SLC18B1: variants seen among roughly 807,000 people sequenced by gnomAD.
SLC18B1 encodes MFS-type transporter SLC18B1.
A neutral mutation model predicts 53.9 loss-of-function variants in SLC18B1; 62 were observed. That is an observed-to-expected ratio of 1.15 (90% CI 0.94 to 1.42). SLC18B1 has a LOEUF of 1.42. Among genes scored for constraint, SLC18B1 ranks in the 40% most tolerant of loss-of-function variants. The pLI, the probability that SLC18B1 is intolerant of heterozygous loss-of-function variation, is 0.00. For missense variants in SLC18B1, 598 were observed against 547.3 expected (o/e 1.09, Z -0.93); for synonymous variants, 217 against 200.9 (o/e 1.08, Z -0.68).
At chr6:132,775,591 G>T (rs1258214755) in intron 8 of SLC18B1, among the ~76,000 whole-genome samples, 1 of 152,090 alleles carries the variant, frequency 6.6e-6, no homozygotes, top group Non-Finnish European at 1.5e-5. Flanking sequence ...CCCTAAAACC[G>T]CAGAAGTTTA....
Position 132,771,918 on chromosome 6 carries a change from C to G in SLC18B1, c.1160+214G>C, listed in dbSNP as rs539782560. Among the ~76,000 whole-genome samples, 84 of 152,104 alleles carry G rather than the reference C, an allele frequency of 5.5e-4. 1 individual carries two copies. In the South Asian group the frequency reaches 0.016, roughly 28 times the overall value. On this transcript the variant is annotated intron_variant, in intron 11 of 13. Coordinates refer to ENST00000275227, the MANE Select transcript of SLC18B1 (RefSeq NM_052831.3). Reference sequence around the variant, plus strand: ...ACCAGCCTGGCCAACACGGTGAAACCCTGTCTCTACTAAAAATACAAAAAT... The same window carrying G: ...ACCAGCCTGGCCAACACGGTGAAACGCTGTCTCTACTAAAAATACAAAAAT...
At chr6:132,770,547 C>T (rs1318338416) in intron 13 of SLC18B1, among the ~76,000 whole-genome samples, 2 of 152,108 alleles carry the variant, frequency 1.3e-5, no homozygotes, top group African/African-American at 2.4e-5. Context: ...ACCAGCCTGG[C>T]CAACATGGTG....
At chr6:132,773,363 C>A (rs536898075) in intron 9 of SLC18B1, among the ~76,000 whole-genome samples, 7 of 152,214 alleles carry the variant, frequency 4.6e-5, no homozygotes, top group Non-Finnish European at 1.0e-4. Context: ...CTGGAGCCAA[C>A]CTGGCTTCTT....
At chr6:132,783,213 A>G (rs1417249818) in intron 6 of SLC18B1, among the ~76,000 whole-genome samples, 2 of 151,034 alleles carry the variant, frequency 1.3e-5, no homozygotes, top group African/African-American at 4.9e-5. Flanking sequence ...GTCTCGCTCT[A>G]TCACCCAGGC....
rs548953790 is a variant in SLC18B1, at chr6:132,779,300, C to T, written c.763G>A (p.Asp255Asn). The T allele has an allele frequency of 3.1e-6, 5 of 1,613,810 alleles. No individual in the cohort carries two copies. The highest frequency in any genetic ancestry group is 2.2e-5 in the South Asian group (2 of 91,074). Reference sequence around the variant, plus strand: ...AAAACAAAGAGAGACAGAGTAGGATCGAGGAAGCCAAAACACGAGCTGAGT... The same window carrying T: ...AAAACAAAGAGAGACAGAGTAGGATTGAGGAAGCCAAAACACGAGCTGAGT... ...NSLSSCFGFL[D>N]PTLSLFVLEK... Residue 255 changes from aspartate (D) to asparagine (N), a missense_variant, in exon 7 of 14, where the codon GAT becomes AAT. Coordinates refer to ENST00000275227, the MANE Select transcript of SLC18B1 (RefSeq NM_052831.3).
chr6:132,782,464 C>A (rs894721175), intron 6 of SLC18B1, among the ~76,000 whole-genome samples: 2 of 152,012 alleles, frequency 1.3e-5, no homozygotes, highest in African/African-American at 4.8e-5. Context: ...TTGTTATTAA[C>A]TATAGTCACT....
rs1313354793 is a variant in SLC18B1 at position 132,792,253 on chromosome 6, A to AAGAGAGAGAGAGAGAGAG, written c.184-1982_184-1981insCTCTCTCTCTCTCTCTCT. Among the ~76,000 whole-genome samples the AAGAGAGAGAGAGAGAGAG allele has an allele frequency of 7.3e-4, 19 of 26,044 alleles. 2 individuals carry two copies. Among genetic ancestry groups the AAGAGAGAGAGAGAGAGAG allele is most frequent in the East Asian group, 7.2e-4 (1 of 1,388 alleles). The allele number at this position is 26,044 out of a possible 152,430, so 17.1% of individuals were successfully genotyped here. A position where few individuals can be genotyped will look rare whatever the true frequency, so the allele number is the denominator to read the frequency against. On this transcript the variant is annotated intron_variant, in intron 2 of 13. Coordinates refer to ENST00000275227, the MANE Select transcript of SLC18B1 (RefSeq NM_052831.3). Reference sequence around the variant, plus strand: ...AAAGAAAGAAAGAAAGAAAGAAAGAAAGAAAGAAAGAAAGAAAGAAAGAAA... The same window carrying AAGAGAGAGAGAGAGAGAG: ...AAAGAAAGAAAGAAAGAAAGAAAGAAAGAGAGAGAGAGAGAGAGAGAAAGAAAGAAAGAAAGAAAGAAA...
chr6:132,794,763 G>C (rs1336726807), intron 2 of SLC18B1, among the ~76,000 whole-genome samples: 1 of 152,174 alleles, frequency 6.6e-6, no homozygotes, highest in Non-Finnish European at 1.5e-5. Flanking sequence ...TGAGAGGCCT[G>C]GCCAACATGG....
intron 4 of SLC18B1, chr6:132,789,468 T>G (rs1781467905): frequency 4.0e-6 from 1 of 248,834 alleles, no homozygotes; most frequent in Non-Finnish European, 7.7e-6. Flanking sequence ...TTACTGAAGC[T>G]AGTAAGTTTC....
chr6:132,787,591 A>T lies in SLC18B1; in HGVS notation c.354-10T>A. ...AACTCGGTCCAATACACTAAAAAGG[A>T]ATAAGACAATTCTGAAATGCCAAGC... On this transcript the variant is annotated splice_polypyrimidine_tract_variant and intron_variant, in intron 4 of 13. Coordinates refer to ENST00000275227, the MANE Select transcript of SLC18B1 (RefSeq NM_052831.3). The T allele has an allele frequency of 6.5e-7, 1 of 1,534,756 alleles. No individual in the cohort carries two copies. The highest frequency in any genetic ancestry group is 8.7e-7 in the Non-Finnish European group (1 of 1,147,782).
At chr6:132,785,824 G>T (rs1781353872) in intron 5 of SLC18B1, among the ~76,000 whole-genome samples, 1 of 145,738 alleles carries the variant, frequency 6.9e-6, no homozygotes. Context: ...ACCTTGGAAG[G>T]CCAAAGTGGG....
chr6:132,770,543 C>T (rs934062773), intron 13 of SLC18B1, among the ~76,000 whole-genome samples: 1 of 152,096 alleles, frequency 6.6e-6, no homozygotes, highest in Non-Finnish European at 1.5e-5. Flanking sequence ...CGAGACCAGC[C>T]TGGCCAACAT....
chr6:132,786,706 C>T (rs943281535), intron 5 of SLC18B1, among the ~76,000 whole-genome samples: 1 of 151,846 alleles, frequency 6.6e-6, no homozygotes, highest in South Asian at 2.1e-4. Context: ...TCTAAGAGAA[C>T]AATTACATGC....
rs775965679 is a variant in SLC18B1 at position 132,779,386 on chromosome 6, T to C, written c.677A>G (p.His226Arg). Residue 226 changes from histidine to arginine, a missense_variant, in exon 7 of 14, where the codon CAC becomes CGC. Transcript: ENST00000275227. ...LPNYESDPGEHSFWKLIALPK... is the reference protein window; with the variant it reads ...LPNYESDPGERSFWKLIALPK... The stretch of plus-strand genomic sequence containing the variant: ...TAAAGCGATCAGTTTCCAGAATGAG[T>C]GTTCACCTGGATCAGACTCTTTAGG... The C allele has an allele frequency of 1.9e-6, 3 of 1,610,198 alleles. No individual in the cohort carries two copies. Among genetic ancestry groups the C allele is most frequent in the Non-Finnish European group, 2.5e-6 (3 of 1,177,238 alleles).
chr6:132,785,960 C>T (rs1270067306), intron 5 of SLC18B1, among the ~76,000 whole-genome samples: 2 of 148,554 alleles, frequency 1.3e-5, no homozygotes, highest in East Asian at 3.9e-4. Context: ...AAAATGGTTC[C>T]ATAGTTAAAG....
intron 6 of SLC18B1, among the ~76,000 whole-genome samples, chr6:132,783,526 G>A (rs961264021): frequency 5.9e-5 from 9 of 152,122 alleles, no homozygotes; most frequent in East Asian, 1.9e-4. Context: ...CTGAATCTAC[G>A]TCCTTGTATC....
chr6:132,772,004 A>C (rs1780988100), intron 11 of SLC18B1, 128 bp downstream of exon 11: 2 of 615,754 alleles, frequency 3.2e-6, no homozygotes, highest in South Asian at 2.0e-5. Context: ...AGATAGAAGA[A>C]TCTCTTGGAC....
intron 2 of SLC18B1, among the ~76,000 whole-genome samples, chr6:132,796,354 C>CAAAAAAAAAAAAAAAAAAAA (rs780737208): frequency 2.2e-5 from 1 of 44,698 alleles, no homozygotes; most frequent in African/African-American, 1.1e-4. Context: ...GACTCCATCT[C>CAAAAAAAAAAAAAAAAAAAA]AAAAAAAAAA....
At chr6:132,772,318 AC>A (rs1477759075) in intron 10 of SLC18B1, 112 bp from the exon 11 acceptor site, 3 of 590,002 alleles carry the variant, frequency 5.1e-6, no homozygotes, top group African/African-American at 3.9e-5. Flanking sequence ...AAAAAAACCA[AC>A]AGCAAGAATA....
Sources: allele counts gnomAD v4.1 joint callset (sites outside exome capture counted in the v4.1 genomes callset), GRCh38; gene constraint gnomAD v4.1.1; transcripts MANE v1.5; gene names NCBI Gene and HGNC (gene_info 2026-07-23, HGNC 2026-07-21).